FAT4: variants seen among roughly 807,000 people sequenced by gnomAD.
FAT4 encodes FAT atypical cadherin 4.
In FAT4, 84 loss-of-function variants were observed where a neutral mutation model predicts 303.9. The ratio of observed to expected loss-of-function variants is 0.28; its 90% CI spans 0.23 to 0.33. FAT4 has a LOEUF of 0.33. FAT4 is among the 10% of genes least tolerant of loss of function. The pLI is 1.00. For missense variants in FAT4, 6,005 were observed against 6,146.8 expected (o/e 0.98, Z 0.77); for synonymous variants, 2,307 against 2,298.8 (o/e 1.00, Z -0.10).
Position 125,415,163 on chromosome 4 carries a change from CTGT to C in FAT4, c.6205_6207del (p.Val2069del). 2 of 1,614,078 alleles carry C rather than the reference CTGT, an allele frequency of 1.2e-6. No homozygotes were observed. The highest frequency in any genetic ancestry group is 1.1e-5 in the South Asian group (1 of 91,082). On this transcript the variant is annotated inframe_deletion, in exon 6 of 18. Transcript: ENST00000394329. ...ATTCCAGAAAATACACCTATTGATA[CTGT>C]TGTTTTCAAAGCTCAAGCAACTGAC...
rs1734286471 is a variant in FAT4 at position 125,399,014 on chromosome 4, G to A, written c.5307+99G>A. ...CTACTTTTATTACCCAATAATTAAG[G>A]TTAAGCATGTGTGCTCCTTTCCAAA... On this transcript the variant is annotated intron_variant, in intron 3 of 17. Transcript: ENST00000394329. The A allele has an allele frequency of 3.6e-6, 4 of 1,099,610 alleles. No individual in the cohort carries two copies. In the South Asian group the frequency reaches 4.2e-5, roughly 11 times the overall value. 68.1% of individuals were successfully genotyped at this position (1,099,610 alleles called of 1,614,324 possible).
chr4:125,491,534 C>T lies in FAT4; in HGVS notation c.14718C>T (p.Gly4906=), dbSNP rs147617723. ...GCAGGGCCGAGGGAGGACCTGTGGG[C>T]ACCCAGGCAGCAGCACCAGGCACTG... ...HGRRAEGGPV[G]TQAAAPGTAD... The change falls in exon 18 of 18, where the codon GGC becomes GGT. Residue 4906 remains glycine, a synonymous_variant. Transcript: ENST00000394329. 6.1e-5 allele frequency: 98 copies of T among 1,614,160 alleles called. No homozygotes were observed. The African/African-American group carries it at 1.0e-3, about 17-fold the overall frequency.
At chr4:125,471,364 A>C (rs1374317554) in intron 12 of FAT4, among the ~76,000 whole-genome samples, 5 of 152,230 alleles carry the variant, frequency 3.3e-5, no homozygotes, top group African/African-American at 4.8e-5. Context: ...GATTACCAGA[A>C]ACCTTCAATT....
chr4:125,334,250 G>T (rs1248720180), intron 2 of FAT4, among the ~76,000 whole-genome samples: 2 of 152,032 alleles, frequency 1.3e-5, no homozygotes, highest in African/African-American at 4.8e-5. Flanking sequence ...TAAAGTAAAA[G>T]AAAGATTTTT....
intron 2 of FAT4, among the ~76,000 whole-genome samples, chr4:125,343,642 A>G (rs1731885014): frequency 6.6e-6 from 1 of 152,206 alleles, no homozygotes; most frequent in Non-Finnish European, 1.5e-5. Flanking sequence ...CTGCTCAAGA[A>G]TATACGTTAA....
At chr4:125,462,114 T>G (rs1395656881) in intron 10 of FAT4, among the ~76,000 whole-genome samples, 1 of 152,004 alleles carries the variant, frequency 6.6e-6, no homozygotes, top group Non-Finnish European at 1.5e-5. Context: ...AAAAATGTTG[T>G]GTTTATGATT....
In FAT4 at chr4:125,449,426, A is replaced by G. The variant is rs780030939; in HGVS notation, c.8416A>G (p.Asn2806Asp). ...VTTSDEDIGI[N>D]AISRYSIMDA... ...AACTTCTGATGAAGACATTGGGATCAATGCAATTAGTAGATATTCTATAAT... is the reference window on the plus strand; with the variant it reads ...AACTTCTGATGAAGACATTGGGATCGATGCAATTAGTAGATATTCTATAAT... Residue 2806 changes from asparagine to aspartate, a missense_variant, in exon 10 of 18, where the codon AAT becomes GAT. Physicochemically the swap from Asn to Asp is conservative, Grantham distance 23. Transcript: ENST00000394329. 1 of 1,613,700 alleles carries G rather than the reference A, an allele frequency of 6.2e-7. No homozygotes were observed. Among genetic ancestry groups the G allele is most frequent in the Non-Finnish European group, 8.5e-7 (1 of 1,179,830 alleles).
intron 6 of FAT4, among the ~76,000 whole-genome samples, chr4:125,416,077 G>A (rs1301920931): frequency 6.6e-6 from 1 of 152,058 alleles, no homozygotes; most frequent in Non-Finnish European, 1.5e-5. Context: ...TTGTGTTTTT[G>A]AATTTTGTTC....
intron 2 of FAT4, among the ~76,000 whole-genome samples, chr4:125,366,912 T>C (rs1052330812): frequency 1.3e-5 from 2 of 152,072 alleles, no homozygotes; most frequent in African/African-American, 4.8e-5. Flanking sequence ...TTGAAAAGTG[T>C]CTGTTCATGT....
In FAT4 at chr4:125,449,058, A is replaced by C; in HGVS notation, c.8048A>C (p.Asn2683Thr). 1 of 1,613,860 alleles carries C rather than the reference A, an allele frequency of 6.2e-7. No individual in the cohort carries two copies. Among genetic ancestry groups the C allele is most frequent in the Non-Finnish European group, 8.5e-7 (1 of 1,179,876 alleles). The change falls in exon 10 of 18, where the codon AAC becomes ACC. Residue 2683 changes from asparagine to threonine, a missense_variant. Physicochemically the swap from Asn to Thr is moderately conservative, Grantham distance 65 (BLOSUM62 0). Coordinates refer to ENST00000394329, the MANE Select transcript of FAT4 (RefSeq NM_001291303.3). ...EDPFISEILE[N>T]LSPRKILTVS... ...CCATTTATATCTGAAATATTGGAAA[A>C]CCTTTCCCCTCGAAAAATACTTACT...
chr4:125,405,515 C>G (rs770279960), intron 3 of FAT4, among the ~76,000 whole-genome samples: 1 of 151,412 alleles, frequency 6.6e-6, no homozygotes, highest in African/African-American at 2.4e-5. Context: ...TACTTGTTGG[C>G]CTTTTTTTTT....
chr4:125,316,006 C>T lies in FAT4; in HGVS notation c.-13+29C>T, dbSNP rs1036632000. On this transcript the variant is annotated intron_variant, in intron 1 of 17. Coordinates refer to ENST00000394329, the MANE Select transcript of FAT4 (RefSeq NM_001291303.3). The surrounding 1 kb of genome is among the most constrained non-coding windows in gnomAD (Gnocchi z 5.7). ...AGTTCTAAAGTTTCTGAAGACCGTT[C>T]TTTGCAATGATTCCTCATATACCTT... Among the ~76,000 whole-genome samples, 2 of 152,192 alleles carry T rather than the reference C, an allele frequency of 1.3e-5. No homozygotes were observed.
At chr4:125,487,190 A>G (rs767139960) in intron 16 of FAT4, among the ~76,000 whole-genome samples, 155 bp from the exon 17 acceptor site, 4 of 152,248 alleles carry the variant, frequency 2.6e-5, no homozygotes, top group Non-Finnish European at 4.4e-5. Context: ...GCCTAAAATT[A>G]GAGACAAAGT....
At chr4:125,365,468 T>G (rs1732841445) in intron 2 of FAT4, among the ~76,000 whole-genome samples, 1 of 152,188 alleles carries the variant, frequency 6.6e-6, no homozygotes, top group Admixed American at 6.5e-5. Flanking sequence ...AATGGTGAAG[T>G]CTTATCAGTT....
At chr4:125,402,082 T>C (rs559628042) in intron 3 of FAT4, among the ~76,000 whole-genome samples, 2 of 152,078 alleles carry the variant, frequency 1.3e-5, no homozygotes, top group East Asian at 3.9e-4. Flanking sequence ...ATATTATGAA[T>C]TCACCACATC....
chr4:125,478,044 A>C (rs191462222), intron 14 of FAT4, among the ~76,000 whole-genome samples: 94 of 152,264 alleles, frequency 6.2e-4, no homozygotes, highest in Middle Eastern at 3.4e-3. Context: ...AACTGTTGCT[A>C]TACACTTTAG....
At chr4:125,370,189 T>C (rs527322199) in intron 2 of FAT4, among the ~76,000 whole-genome samples, 3 of 152,270 alleles carry the variant, frequency 2.0e-5, no homozygotes, top group Non-Finnish European at 4.4e-5. Flanking sequence ...TTCTGACTTT[T>C]TGTAAAATCA....
chr4:125,381,882 A>G (rs1733556009), intron 2 of FAT4, among the ~76,000 whole-genome samples: 1 of 152,166 alleles, frequency 6.6e-6, no homozygotes. Flanking sequence ...TTTTGTTGTC[A>G]TTTCAACGGT....
At chr4:125,343,707 A>G (rs1731887411) in intron 2 of FAT4, among the ~76,000 whole-genome samples, 1 of 152,190 alleles carries the variant, frequency 6.6e-6, no homozygotes, top group South Asian at 2.1e-4. Context: ...ACTACAGAAT[A>G]AAAGAAATAC....
Sources: allele counts gnomAD v4.1 joint callset (sites outside exome capture counted in the v4.1 genomes callset), GRCh38; gene constraint gnomAD v4.1.1; non-coding constraint Gnocchi (gnomAD v3.1); transcripts MANE v1.5; gene names NCBI Gene and HGNC (gene_info 2026-07-23, HGNC 2026-07-21).